The following TMEM168 variants were observed in gnomAD, a reference collection of about 807,000 sequenced individuals.
TMEM168 encodes transmembrane protein 168.
Under a neutral mutation model 53.2 loss-of-function variants are expected in TMEM168, and 40 were observed. The ratio of observed to expected loss-of-function variants is 0.75; its 90% CI spans 0.58 to 0.98. TMEM168 has a LOEUF of 0.98. TMEM168 is among the 50% of genes least tolerant of loss of function. TMEM168 has a pLI of 0.00. For missense variants in TMEM168, 771 were observed against 828.8 expected (o/e 0.93, Z 0.86); for synonymous variants, 282 against 293.0 (o/e 0.96, Z 0.38).
intron 4 of TMEM168, among the ~76,000 whole-genome samples, chr7:112,772,340 C>T (rs1792950010): frequency 1.3e-5 from 2 of 152,140 alleles, no homozygotes; most frequent in African/African-American, 4.8e-5. Flanking sequence ...ACCAAGGTCT[C>T]CTGACCTAAG....
chr7:112,776,844 T>C (rs1467256746), intron 2 of TMEM168, among the ~76,000 whole-genome samples: 1 of 151,986 alleles, frequency 6.6e-6, no homozygotes, highest in Non-Finnish European at 1.5e-5. Context: ...AAAGACCAAA[T>C]GGCATTCCTA....
chr7:112,784,584 A>C lies in TMEM168; in HGVS notation c.242T>G (p.Leu81Arg), dbSNP rs1052720527. 1.2e-6 allele frequency: 2 copies of C among 1,613,238 alleles called. No homozygotes were observed. The highest frequency in any genetic ancestry group is 1.7e-6 in the Non-Finnish European group (2 of 1,179,858). The change falls in exon 2 of 5, where the codon CTC (leucine) becomes CGC (arginine). Residue 81 changes from leucine to arginine, a missense_variant. Transcript: ENST00000312814. The part of the protein sequence containing the change: ...GLFVLGIASI[L>R]YYYFSMEAAS... Reference sequence around the variant, plus strand: ...TGCTTCCATTGAAAAATAGTAATAGAGTATGCTGGCGATTCCAAGAACAAA... The same window carrying C: ...TGCTTCCATTGAAAAATAGTAATAGCGTATGCTGGCGATTCCAAGAACAAA...
intron 2 of TMEM168, among the ~76,000 whole-genome samples, chr7:112,781,901 C>T (rs1448399005): frequency 2.0e-5 from 3 of 152,062 alleles, no homozygotes; most frequent in Admixed American, 2.0e-4. Context: ...AATTAAAAAC[C>T]TTTACTCTTG....
chr7:112,785,511 TACTC>T (rs1793354877), intron 1 of TMEM168, among the ~76,000 whole-genome samples: 1 of 152,226 alleles, frequency 6.6e-6, no homozygotes, highest in African/African-American at 2.4e-5. Context: ...GTATTAAAGT[TACTC>T]AGTCCCTAAA....
At chr7:112,774,567 C>T (rs1793022551) in intron 3 of TMEM168, among the ~76,000 whole-genome samples, 3 of 150,946 alleles carry the variant, frequency 2.0e-5, no homozygotes, top group African/African-American at 7.3e-5. Flanking sequence ...TCAGAGGACA[C>T]TTTCTTTTGC....
chr7:112,778,717 A>G (rs1337013151), intron 2 of TMEM168: 1 of 152,196 alleles, frequency 6.6e-6, no homozygotes, highest in Non-Finnish European at 1.5e-5. Flanking sequence ...TCCAATTAAA[A>G]TGTTAATTGA....
At chr7:112,769,990 T>C (rs1472417678) in intron 4 of TMEM168, among the ~76,000 whole-genome samples, 20 of 152,188 alleles carry the variant, frequency 1.3e-4, no homozygotes. Flanking sequence ...CTAACCCAAG[T>C]AAAATCCAGT....
In TMEM168 at chr7:112,772,894, T is replaced by G. The variant is rs768828626; in HGVS notation, c.1433A>C (p.His478Pro). 9.3e-6 allele frequency: 15 copies of G among 1,614,016 alleles called. No individual in the cohort carries two copies. Among genetic ancestry groups the G allele is most frequent in the Non-Finnish European group, 1.3e-5 (15 of 1,179,998 alleles). ...STSGLSFDTL[H>P]SKLKAFLELR... ...TTCGAGGAAAGCTTTTAGTTTGGAA[T>G]GCAGAGTATCAAATGACAGTCCACT... is the stretch of plus-strand genomic sequence containing the variant. The change falls in exon 4 of 5, where the codon CAT (histidine) becomes CCT (proline). Residue 478 changes from histidine (H) to proline (P), a missense_variant. By Grantham distance (77) the His-to-Pro change is moderately conservative (BLOSUM62 -2). Transcript: ENST00000312814.
At chr7:112,776,360 A>G (rs1793083857) in intron 2 of TMEM168, among the ~76,000 whole-genome samples, 1 of 152,000 alleles carries the variant, frequency 6.6e-6, no homozygotes, top group Non-Finnish European at 1.5e-5. Flanking sequence ...ATTAAGACTC[A>G]TTTAAGTGAA....
intron 1 of TMEM168, among the ~76,000 whole-genome samples, chr7:112,786,775 T>C (rs942644054): frequency 2.6e-5 from 4 of 152,070 alleles, no homozygotes; most frequent in Non-Finnish European, 5.9e-5. Context: ...CCATGGAACA[T>C]CCTTCCCTGG....
rs1792697035 is a variant in TMEM168 at position 112,762,963 on chromosome 7, C to T, written c.*4234G>A. On this transcript the variant is annotated 3_prime_UTR_variant, in exon 5 of 5. Coordinates refer to ENST00000312814, the MANE Select transcript of TMEM168 (RefSeq NM_022484.6). The stretch of plus-strand genomic sequence containing the variant: ...TTATAGGCCTATTTTACTGACCTTC[C>T]AATTTAGTTGTCACTGATATGCATA... 1 of 152,022 alleles carries T rather than the reference C, an allele frequency of 6.6e-6. No individual in the cohort carries two copies. The highest frequency in any genetic ancestry group is 2.4e-5 in the African/African-American group (1 of 41,414). The allele number at this position is 152,022 out of a possible 1,614,324, so 9.4% of individuals were successfully genotyped here.
intron 2 of TMEM168, among the ~76,000 whole-genome samples, chr7:112,780,274 A>G (rs1793193720): frequency 6.6e-6 from 1 of 152,358 alleles, no homozygotes; most frequent in East Asian, 1.9e-4. Context: ...TCTGTAGATT[A>G]GAAATACATA....
At chr7:112,780,897 C>T (rs910615282) in intron 2 of TMEM168, among the ~76,000 whole-genome samples, 5 of 118,584 alleles carry the variant, frequency 4.2e-5, no homozygotes, top group African/African-American at 6.7e-5. Context: ...AACTGCTCTA[C>T]AAATTGACTG....
In TMEM168 at chr7:112,775,191, G is replaced by A. The variant is rs1231773447; in HGVS notation, c.1256C>T (p.Pro419Leu). Reference protein sequence around the residue: ...GTSVGYAIVIPTNFCSPDGQP... With the variant: ...GTSVGYAIVILTNFCSPDGQP... ...ATTACTGTACCTGCAGAAGTTGGTGGGAATCACAATAGCATATCCAACAGA... is the reference window on the plus strand; with the variant it reads ...ATTACTGTACCTGCAGAAGTTGGTGAGAATCACAATAGCATATCCAACAGA... The change falls in exon 3 of 5, where the codon CCC becomes CTC. Residue 419 changes from proline (P) to leucine (L), a missense_variant. Physicochemically the swap from Pro to Leu is moderately conservative, Grantham distance 98 (BLOSUM62 -3). Transcript: ENST00000312814. 6.2e-7 allele frequency: 1 copy of A among 1,605,900 alleles called. No individual in the cohort carries two copies. Among genetic ancestry groups the A allele is most frequent in the Admixed American group, 1.7e-5 (1 of 59,084 alleles).
intron 1 of TMEM168, among the ~76,000 whole-genome samples, chr7:112,787,507 C>T (rs962186214): frequency 1.8e-4 from 28 of 151,960 alleles, no homozygotes; most frequent in African/African-American, 6.5e-4. Flanking sequence ...CTCTGACTAT[C>T]GGGTTCAAGT....
At chr7:112,767,769 G>A (rs764454947) in intron 4 of TMEM168, 25 bp from the exon 5 acceptor site, 49 of 1,560,874 alleles carry the variant, frequency 3.1e-5, no homozygotes, top group Non-Finnish European at 4.0e-5. Context: ...AAATTCAATG[G>A]AGCAATAATT....
chr7:112,772,384 T>G (rs1434409858), intron 4 of TMEM168, among the ~76,000 whole-genome samples: 1 of 152,208 alleles, frequency 6.6e-6, no homozygotes, highest in African/African-American at 2.4e-5. Flanking sequence ...ATCTGCTGTT[T>G]AAAATTTTGG....
In TMEM168 at chr7:112,767,838, CTT is replaced by C. The variant is rs758744249; in HGVS notation, c.1547-96_1547-95del. ...CATTTTCTTCTAGAGAGAAAATACT[CTT>C]GTTATACATGTATTTTCCTTAAGTT... On this transcript the variant is annotated intron_variant, in intron 4 of 4. Transcript: ENST00000312814. 248 of 1,109,996 alleles carry C rather than the reference CTT, an allele frequency of 2.2e-4. 1 individual carries two copies. The highest frequency in any genetic ancestry group is 1.9e-3 in the Middle Eastern group (8 of 4,320). 68.8% of individuals were successfully genotyped at this position (1,109,996 alleles called of 1,614,324 possible). A position where few individuals can be genotyped will look rare whatever the true frequency, so the allele number is the denominator to read the frequency against.
intron 1 of TMEM168, among the ~76,000 whole-genome samples, chr7:112,789,492 T>C (rs1481803448): frequency 1.3e-5 from 2 of 152,228 alleles, no homozygotes; most frequent in Admixed American, 6.5e-5. Context: ...ATACAGAACT[T>C]AGCTATATCC....
Sources: allele counts gnomAD v4.1 joint callset (sites outside exome capture counted in the v4.1 genomes callset), GRCh38; gene constraint gnomAD v4.1.1; transcripts MANE v1.5; gene names NCBI Gene and HGNC (gene_info 2026-07-23, HGNC 2026-07-21).